CAST: variants seen among roughly 807,000 people sequenced by gnomAD.
CAST encodes the protein MIR583 host.
A neutral mutation model predicts 119.6 loss-of-function variants in CAST; 76 were observed. The observed-to-expected ratio is 0.64, with a 90% CI of 0.53 to 0.77. The LOEUF (loss-of-function observed/expected upper bound fraction) is 0.77. Among genes scored for constraint, CAST ranks in the 30% least tolerant of loss-of-function variants. CAST has a pLI of 0.00. For synonymous variants in CAST, 319 were observed against 331.6 expected, an observed-to-expected ratio of 0.96 and a Z score of 0.41; for missense variants, 953 against 946.5, an observed-to-expected ratio of 1.01 and a Z score of -0.09.
the CAST span, among the ~76,000 whole-genome samples, chr5:96,153,144 AT>A: frequency 1.3e-5 from 2 of 151,952 alleles, no homozygotes; most frequent in Admixed American, 6.6e-5. Flanking sequence ...CCTTGGGTGT[AT>A]TTTTTTTCCT....
intron 2 of CAST, among the ~76,000 whole-genome samples, chr5:96,677,615 T>G (rs1032871808): frequency 1.3e-5 from 2 of 152,216 alleles, no homozygotes; most frequent in Non-Finnish European, 2.9e-5. Flanking sequence ...TGACATTGTT[T>G]TATTACGTTT....
At chr5:96,485,421 A>T in the CAST span, among the ~76,000 whole-genome samples, 2 of 152,186 alleles carry the variant, frequency 1.3e-5, no homozygotes, top group African/African-American at 4.8e-5. Flanking sequence ...TGCTAACATA[A>T]TCAGCTTGCA....
At chr5:96,411,544 C>T in the CAST span, among the ~76,000 whole-genome samples, 1 of 152,166 alleles carries the variant, frequency 6.6e-6, no homozygotes, top group Non-Finnish European at 1.5e-5. Flanking sequence ...TGCAAGAATA[C>T]AGTAAACCCA....
chr5:96,222,048 A>G, the CAST span, among the ~76,000 whole-genome samples: 1 of 152,134 alleles, frequency 6.6e-6, no homozygotes, highest in Non-Finnish European at 1.5e-5. Context: ...GGAAAATTAG[A>G]TATCCATATG....
the CAST span, among the ~76,000 whole-genome samples, chr5:95,997,976 T>G: frequency 2.0e-4 from 30 of 148,274 alleles, no homozygotes; most frequent in Non-Finnish European, 3.4e-4. Context: ...TTTTTTTTTT[T>G]TTTTTTTTTT....
the CAST span, chr5:96,392,616 C>T: frequency 6.6e-5 from 14 of 212,880 alleles, 1 homozygote; most frequent in African/African-American, 3.0e-4. Flanking sequence ...TTTCTGACTC[C>T]TTCTCATTCT....
At chr5:96,469,984 T>C in the CAST span, among the ~76,000 whole-genome samples, 2 of 150,934 alleles carry the variant, frequency 1.3e-5, no homozygotes. Context: ...TAAATTAAAA[T>C]GCAAAATGTA....
the CAST span, among the ~76,000 whole-genome samples, chr5:96,037,088 T>C: frequency 6.6e-6 from 1 of 152,084 alleles, no homozygotes; most frequent in East Asian, 1.9e-4. Context: ...TCTGGAGCCA[T>C]ATTTTGGCTT....
chr5:96,178,529 G>A, the CAST span, among the ~76,000 whole-genome samples: 2 of 152,070 alleles, frequency 1.3e-5, no homozygotes, highest in Non-Finnish European at 2.9e-5. Context: ...GAAAAAAAAA[G>A]AAGCCTTTCC....
the CAST span, among the ~76,000 whole-genome samples, chr5:96,420,187 C>T: frequency 7.9e-5 from 12 of 152,190 alleles, no homozygotes; most frequent in South Asian, 8.3e-4. Context: ...GGAGAAGGTA[C>T]GTTGTCACCC....
At chr5:96,511,208 G>A in the CAST span, among the ~76,000 whole-genome samples, 1,919 of 152,204 alleles carry the variant, frequency 0.013, 19 homozygotes, top group Non-Finnish European at 0.017. Flanking sequence ...GCAGTGGTGC[G>A]ATCTCAGCTC....
the CAST span, among the ~76,000 whole-genome samples, chr5:96,182,586 G>A: frequency 6.6e-6 from 1 of 152,110 alleles, no homozygotes; most frequent in African/African-American, 2.4e-5. Context: ...TTATATGTCA[G>A]ACTTACCATA....
chr5:96,314,460 T>G, the CAST span, among the ~76,000 whole-genome samples: 1 of 152,226 alleles, frequency 6.6e-6, no homozygotes, highest in Non-Finnish European at 1.5e-5. Context: ...TAGGTGAAGC[T>G]GAGCAAATGG....
the CAST span, among the ~76,000 whole-genome samples, chr5:96,459,067 G>A: frequency 8.5e-5 from 13 of 152,276 alleles, no homozygotes; most frequent in African/African-American, 2.9e-4. Context: ...CAAGAATAAA[G>A]TGAGTGCTTC....
At chr5:96,622,434 A>G (rs1356287294) in intron 1 of CAST, among the ~76,000 whole-genome samples, 1 of 152,208 alleles carries the variant, frequency 6.6e-6, no homozygotes, top group African/African-American at 2.4e-5. Flanking sequence ...GGCTCCAGAC[A>G]CTAAGGGAGA....
the CAST span, among the ~76,000 whole-genome samples, chr5:96,232,401 A>G: frequency 6.6e-6 from 1 of 152,148 alleles, no homozygotes; most frequent in Non-Finnish European, 1.5e-5. Flanking sequence ...AAAAACTACA[A>G]GGATTGAAAA....
At chr5:96,035,787 G>C in the CAST span, among the ~76,000 whole-genome samples, 8 of 151,622 alleles carry the variant, frequency 5.3e-5, no homozygotes, top group African/African-American at 1.9e-4. Context: ...GTAAAGCAGG[G>C]GGTGGAGCCG....
the CAST span, among the ~76,000 whole-genome samples, chr5:96,081,400 C>T: frequency 6.6e-6 from 1 of 152,152 alleles, no homozygotes; most frequent in South Asian, 2.1e-4. Context: ...CTCAGCATGG[C>T]ATTGGATCAG....
chr5:96,524,474 G>T (rs879435149), upstream of CAST, among the ~76,000 whole-genome samples: 3 of 152,218 alleles, frequency 2.0e-5, no homozygotes, highest in Admixed American at 6.5e-5. Flanking sequence ...CATTCCAGCA[G>T]GGAGTGGAGA....
Sources: allele counts gnomAD v4.1 joint callset (sites outside exome capture counted in the v4.1 genomes callset), GRCh38; gene constraint gnomAD v4.1.1; transcripts MANE v1.5; gene names NCBI Gene and HGNC (gene_info 2026-07-23, HGNC 2026-07-21).